DHRSX: variants seen among roughly 807,000 people sequenced by gnomAD.
DHRSX encodes polyprenol dehydrogenase.
In DHRSX, 31 loss-of-function variants were observed where a neutral mutation model predicts 34.0. The ratio of observed to expected loss-of-function variants is 0.91; its 90% CI spans 0.69 to 1.23. The LOEUF (loss-of-function observed/expected upper bound fraction) is 1.23. DHRSX is among the 50% of genes most tolerant of loss of function. The pLI is 0.00. For synonymous variants in DHRSX, 201 were observed against 183.8 expected (o/e 1.09, Z -0.76); for missense variants, 414 against 428.1 (o/e 0.97, Z 0.29).
intron 3 of DHRSX, among the ~76,000 whole-genome samples, chrX:2,346,756 C>T (rs1198506094): frequency 2.6e-5 from 4 of 151,872 alleles, no homozygotes; most frequent in Non-Finnish European, 5.9e-5. Context: ...CCTATCAACC[C>T]GTCATCTACA....
intron 1 of DHRSX, among the ~76,000 whole-genome samples, chrX:2,457,260 G>A (rs966860169): frequency 2.0e-5 from 3 of 152,126 alleles, no homozygotes; most frequent in African/African-American, 7.2e-5. Context: ...CCACCACCAT[G>A]TAGGCACTGA....
chrX:2,262,652 C>T (rs1264737103), intron 5 of DHRSX, among the ~76,000 whole-genome samples: 2 of 152,238 alleles, frequency 1.3e-5, no homozygotes, highest in African/African-American at 4.8e-5. Flanking sequence ...CAGCCCCTCC[C>T]GGCCACAGGC....
intron 3 of DHRSX, among the ~76,000 whole-genome samples, chrX:2,405,918 A>AC (rs112584621): frequency 0.64 from 95,756 of 149,352 alleles, 31,363 homozygotes; most frequent in East Asian, 0.87. Context: ...AAAAAAAAAA[A>AC]ATAAGGTACC....
At chrX:2,384,123 G>C (rs1330507710) in intron 3 of DHRSX, among the ~76,000 whole-genome samples, 1 of 152,154 alleles carries the variant, frequency 6.6e-6, no homozygotes. Flanking sequence ...AAATGACGGA[G>C]TGTTTTTGAT....
intron 3 of DHRSX, among the ~76,000 whole-genome samples, chrX:2,357,942 G>C (rs2042877708): frequency 1.3e-5 from 2 of 152,106 alleles, no homozygotes; most frequent in African/African-American, 4.8e-5. Flanking sequence ...TAACTCTTGA[G>C]AAAAACATCC....
chrX:2,425,152 A>AC (rs1167327601), intron 2 of DHRSX, 45 bp downstream of exon 2: 2 of 1,512,838 alleles, frequency 1.3e-6, no homozygotes, highest in Admixed American at 1.9e-5. Flanking sequence ...GAAAAAAAAA[A>AC]AAACCGAAAA....
intron 1 of DHRSX, among the ~76,000 whole-genome samples, chrX:2,482,837 C>A (rs1254733589): frequency 6.6e-6 from 1 of 152,116 alleles, no homozygotes; most frequent in Non-Finnish European, 1.5e-5. Flanking sequence ...AAGCTAAAAG[C>A]CAGTTGGAGC....
At chrX:2,322,838 TTA>T (rs1255589317) in intron 3 of DHRSX, among the ~76,000 whole-genome samples, 6 of 152,104 alleles carry the variant, frequency 3.9e-5, no homozygotes, top group African/African-American at 1.2e-4. Flanking sequence ...GAGTCAAAAG[TTA>T]TCTTTGGATT....
intron 1 of DHRSX, among the ~76,000 whole-genome samples, chrX:2,433,931 C>A (rs1172265136): frequency 6.6e-6 from 1 of 152,106 alleles, no homozygotes; most frequent in South Asian, 2.1e-4. Flanking sequence ...CCCGCCACCA[C>A]GCCCGGCTAA....
At chrX:2,417,515 G>C (rs1603069883) in intron 2 of DHRSX, among the ~76,000 whole-genome samples, 1 of 151,812 alleles carries the variant, frequency 6.6e-6, no homozygotes, top group Admixed American at 6.6e-5. Context: ...AACCCAACTA[G>C]ACCTCATCAT....
At chrX:2,324,116 A>C (rs1465275970) in intron 3 of DHRSX, among the ~76,000 whole-genome samples, 1 of 152,122 alleles carries the variant, frequency 6.6e-6, no homozygotes. Flanking sequence ...TTTGTAATTA[A>C]AAGTAATTTC....
chrX:2,282,990 G>A (rs1207291785), intron 4 of DHRSX, among the ~76,000 whole-genome samples: 1 of 151,510 alleles, frequency 6.6e-6, no homozygotes, highest in Non-Finnish European at 1.5e-5. Context: ...GGAAAAGTGA[G>A]ACAGTGAAGA....
intron 5 of DHRSX, among the ~76,000 whole-genome samples, chrX:2,253,388 C>T (rs1157760151): frequency 1.7e-5 from 2 of 120,836 alleles, no homozygotes; most frequent in African/African-American, 5.2e-5. Flanking sequence ...GCCAAGATGG[C>T]GCCACGGCAC....
At position 2,382,366 on chromosome X, in the gene DHRSX, A is replaced by T. The variant is rs976105796; in HGVS notation, c.286+26379T>A. Among the ~76,000 whole-genome samples the T allele has an allele frequency of 1.6e-4, 24 of 152,290 alleles. 2 individuals are homozygous for T. Among genetic ancestry groups the T allele is most frequent in the Admixed American group, 1.4e-3 (21 of 15,286 alleles). ...GAAGGACACAGAACAGTCCACAGAT[A>T]GTCAAGTAGAGCAAGATTGTTTCAG... On this transcript the variant is annotated intron_variant, in intron 3 of 6. Transcript: ENST00000334651.
In DHRSX at chrX:2,231,822, CCTTT is replaced by C. The variant is rs377590599; in HGVS notation, c.805-10597_805-10594del. 6.3e-3 allele frequency among the ~76,000 whole-genome samples: 931 copies of C among 146,966 alleles called. 10 individuals are homozygous for C. The highest frequency in any genetic ancestry group is 0.021 in the African/African-American group (824 of 39,518). Reference sequence around the variant, plus strand: ...CTATCCCTCTCTCTCCCTTCCTCTTCCTTTCTTTCTCCTCTTTCTCATTTTCTCC... The same window carrying C: ...CTATCCCTCTCTCTCCCTTCCTCTTCCTTTCTCCTCTTTCTCATTTTCTCC... On this transcript the variant is annotated intron_variant, in intron 6 of 6. Transcript: ENST00000334651.
intron 1 of DHRSX, among the ~76,000 whole-genome samples, chrX:2,436,931 C>T: frequency 6.6e-6 from 1 of 152,168 alleles, no homozygotes; most frequent in Non-Finnish European, 1.5e-5. Flanking sequence ...GCTACAGACC[C>T]CACCGTCATC....
intron 3 of DHRSX, among the ~76,000 whole-genome samples, chrX:2,351,068 C>T (rs12860175): frequency 0.14 from 21,410 of 151,906 alleles, 2,019 homozygotes; most frequent in Admixed American, 0.21. Context: ...CATCACACAC[C>T]GGGGCCTGTC....
chrX:2,468,876 TGAA>T (rs1569504340), intron 1 of DHRSX, among the ~76,000 whole-genome samples: 1 of 149,506 alleles, frequency 6.7e-6, no homozygotes, highest in Non-Finnish European at 1.5e-5. Context: ...ATGTACACAC[TGAA>T]GAAGTTCCCT....
At chrX:2,254,495 A>G (rs1392904936) in intron 5 of DHRSX, among the ~76,000 whole-genome samples, 1 of 152,062 alleles carries the variant, frequency 6.6e-6, no homozygotes, top group Non-Finnish European at 1.5e-5. Flanking sequence ...TCTAAATTGA[A>G]TTTTCCCTTT....
Sources: gnomAD v4.1 joint callset for allele counts (sites outside exome capture counted in the v4.1 genomes callset) on GRCh38, gnomAD v4.1.1 for gene constraint, MANE v1.5 for transcripts, NCBI Gene and HGNC (gene_info 2026-07-23, HGNC 2026-07-21) for gene names.